Variants in NEDD4L observed in about 807,000 individuals in gnomAD.
NEDD4L encodes E3 ubiquitin-protein ligase NEDD4-like.
In NEDD4L, 54 loss-of-function variants were observed where a neutral mutation model predicts 148.9. The observed-to-expected ratio is 0.36, with a 90% CI of 0.29 to 0.45. The LOEUF is 0.45. NEDD4L is among the 20% of genes least tolerant of loss of function. The pLI is 1.00. For synonymous variants in NEDD4L, 433 were observed against 440.7 expected (o/e 0.98, Z 0.22); for missense variants, 856 against 1,233.8 (o/e 0.69, Z 4.59).
chr18:58,154,670 C>T (rs1224941902), intron 1 of NEDD4L, among the ~76,000 whole-genome samples: 2 of 152,106 alleles, frequency 1.3e-5, no homozygotes, highest in Non-Finnish European at 2.9e-5. Context: ...GCCTGTAATC[C>T]CAGCTACTTG....
At chr18:58,233,730 A>G (rs543217758) in intron 2 of NEDD4L, among the ~76,000 whole-genome samples, 91 of 152,346 alleles carry the variant, frequency 6.0e-4, no homozygotes, top group African/African-American at 2.1e-3. Flanking sequence ...ATGGCAAAGC[A>G]CTATGAACTA....
chr18:58,283,401 G>A (rs1283267211), intron 5 of NEDD4L, among the ~76,000 whole-genome samples: 1 of 152,140 alleles, frequency 6.6e-6, no homozygotes, highest in African/African-American at 2.4e-5. Flanking sequence ...TAAAGCCTGT[G>A]TTCGAAAGTG....
chr18:58,097,921 TG>T (rs1240221831), intron 1 of NEDD4L, among the ~76,000 whole-genome samples: 1 of 151,946 alleles, frequency 6.6e-6, no homozygotes, highest in Non-Finnish European at 1.5e-5. Flanking sequence ...CCCAGCAACT[TG>T]GGAGGCGGAT....
At chr18:58,117,151 A>G (rs908582320) in intron 1 of NEDD4L, among the ~76,000 whole-genome samples, 11 of 152,242 alleles carry the variant, frequency 7.2e-5, no homozygotes, top group African/African-American at 2.2e-4. Context: ...TCTTTGCTCA[A>G]GTGCTTTGTT....
intron 5 of NEDD4L, among the ~76,000 whole-genome samples, chr18:58,297,226 G>C (rs963753439): frequency 6.6e-6 from 1 of 152,116 alleles, no homozygotes; most frequent in Non-Finnish European, 1.5e-5. Context: ...AAAGTTTCAG[G>C]GGTCAGGACC....
chr18:58,132,499 A>G (rs1379517440), intron 1 of NEDD4L, among the ~76,000 whole-genome samples: 1 of 152,180 alleles, frequency 6.6e-6, no homozygotes, highest in Non-Finnish European at 1.5e-5. Flanking sequence ...GAACCCTCCT[A>G]TTGTCAGATG....
chr18:58,195,499 G>C, intron 2 of NEDD4L: 1 of 1,344,680 alleles, frequency 7.4e-7, no homozygotes, highest in Middle Eastern at 2.5e-4. Flanking sequence ...TGCCCGGGTG[G>C]GTGGCTGCGC....
intron 5 of NEDD4L, among the ~76,000 whole-genome samples, chr18:58,301,524 T>G (rs1349930034): frequency 6.6e-6 from 1 of 152,206 alleles, no homozygotes; most frequent in African/African-American, 2.4e-5. Flanking sequence ...CTTTCAGACC[T>G]TATGCTAGTT....
chr18:58,400,420 A>C lies in NEDD4L; in HGVS notation c.*4151A>C, dbSNP rs2050777454. ...CACTTTTTTAATTTATATAAGCCTT[A>C]ATGAACAGTGTCTATACATTTGCAT... On this transcript the variant is annotated 3_prime_UTR_variant, in exon 31 of 31. Coordinates refer to ENST00000400345, the MANE Select transcript of NEDD4L (RefSeq NM_001144967.3). 6.6e-6 allele frequency: 1 copy of C among 152,154 alleles called. No individual in the cohort carries two copies. The highest frequency in any genetic ancestry group is 1.5e-5 in the Non-Finnish European group (1 of 68,020). 9.4% of individuals were successfully genotyped at this position (152,154 alleles called of 1,614,324 possible).
intron 28 of NEDD4L, 68 bp downstream of exon 28, chr18:58,389,260 C>A: frequency 8.5e-7 from 1 of 1,175,932 alleles, no homozygotes; most frequent in South Asian, 1.3e-5. Flanking sequence ...GTGTGGCGCC[C>A]TCCATTGTGG....
chr18:58,163,858 A>G (rs1158915575), intron 1 of NEDD4L, among the ~76,000 whole-genome samples: 5 of 152,116 alleles, frequency 3.3e-5, no homozygotes, highest in Non-Finnish European at 7.4e-5. Flanking sequence ...AAGATCCACC[A>G]TCCTGTACCC....
chr18:58,067,983 A>T (rs1427426121), intron 1 of NEDD4L, among the ~76,000 whole-genome samples: 1 of 152,058 alleles, frequency 6.6e-6, no homozygotes, highest in African/African-American at 2.4e-5. Flanking sequence ...CTTTTGAGAT[A>T]AGGTCTCCCT....
At chr18:58,152,420 G>A (rs1270298242) in intron 1 of NEDD4L, among the ~76,000 whole-genome samples, 4 of 152,140 alleles carry the variant, frequency 2.6e-5, no homozygotes, top group Non-Finnish European at 5.9e-5. Context: ...CTACAGATAC[G>A]GATCATCTGC....
Position 58,315,910 on chromosome 18 carries a change from A to G in NEDD4L, c.298-72A>G, listed in dbSNP as rs1003424018. ...CTGGACCTTTGTCTCTATTCATGAT[A>G]AAACATTTTTAGGAAATGCTGACGC... On this transcript the variant is annotated intron_variant, in intron 5 of 30. Transcript: ENST00000400345. The G allele has an allele frequency of 5.3e-6, 7 of 1,324,186 alleles. No homozygotes were observed. In the African/African-American group the frequency reaches 7.2e-5, roughly 14 times the overall value. The allele number at this position is 1,324,186 out of a possible 1,614,324, so 82.0% of individuals were successfully genotyped here.
At chr18:58,288,107 C>T (rs950964440) in intron 5 of NEDD4L, among the ~76,000 whole-genome samples, 3 of 152,154 alleles carry the variant, frequency 2.0e-5, no homozygotes, top group South Asian at 2.1e-4. Context: ...CATTCCTCTA[C>T]CAACTTTCAG....
At chr18:58,274,044 A>T (rs190418370) in intron 5 of NEDD4L, among the ~76,000 whole-genome samples, 129 of 152,264 alleles carry the variant, frequency 8.5e-4, no homozygotes, top group African/African-American at 3.0e-3. Context: ...GGCAGCTTCC[A>T]CTTCCTGCCT....
At chr18:58,160,676 A>G (rs1015312689) in intron 1 of NEDD4L, among the ~76,000 whole-genome samples, 4 of 152,252 alleles carry the variant, frequency 2.6e-5, no homozygotes, top group Non-Finnish European at 4.4e-5. Flanking sequence ...GCCTGGGGCC[A>G]CTGCATCTGA....
intron 1 of NEDD4L, among the ~76,000 whole-genome samples, chr18:58,048,419 C>A (rs1252101968): frequency 1.3e-5 from 2 of 152,150 alleles, no homozygotes; most frequent in Non-Finnish European, 2.9e-5. Flanking sequence ...ATTTAGTTCT[C>A]ATGAGAACTG....
intron 1 of NEDD4L, among the ~76,000 whole-genome samples, chr18:58,055,254 C>T (rs1447146293): frequency 6.6e-6 from 1 of 152,030 alleles, no homozygotes; most frequent in Non-Finnish European, 1.5e-5. Flanking sequence ...CCCAGGAGTT[C>T]AAGACCAGCC....
Sources: allele counts gnomAD v4.1 joint callset (sites outside exome capture counted in the v4.1 genomes callset), GRCh38; gene constraint gnomAD v4.1.1; transcripts MANE v1.5; gene names NCBI Gene and HGNC (gene_info 2026-07-23, HGNC 2026-07-21).